Variants in SMAP1 observed in about 807,000 individuals in gnomAD.
SMAP1 encodes stromal membrane-associated protein 1.
Under a neutral mutation model 58.5 loss-of-function variants are expected in SMAP1, and 24 were observed. That is an observed-to-expected ratio of 0.41 (90% CI 0.30 to 0.58). The LOEUF (loss-of-function observed/expected upper bound fraction) is 0.58. Ranked by LOEUF, SMAP1 falls within the 20% of genes least tolerant of loss-of-function variation. The pLI is 0.29. For missense variants in SMAP1, 563 were observed against 566.3 expected, an observed-to-expected ratio of 0.99 and a Z score of 0.06; for synonymous variants, 216 against 196.6, an observed-to-expected ratio of 1.10 and a Z score of -0.82.
chr6:70,802,349 AT>A (rs1768900543), intron 6 of SMAP1, among the ~76,000 whole-genome samples: 3 of 152,206 alleles, frequency 2.0e-5, no homozygotes, highest in Admixed American at 1.3e-4. Context: ...ATTTTTACAC[AT>A]TGATTTTGTA....
chr6:70,821,661 T>G (rs1252485143), intron 6 of SMAP1, among the ~76,000 whole-genome samples: 1 of 152,150 alleles, frequency 6.6e-6, no homozygotes, highest in African/African-American at 2.4e-5. Context: ...AAGAGCGAAT[T>G]GAATACCTAA....
chr6:70,742,843 G>A (rs568169028), intron 2 of SMAP1, among the ~76,000 whole-genome samples: 17 of 152,268 alleles, frequency 1.1e-4, no homozygotes, highest in African/African-American at 3.1e-4. Context: ...CTCACATGGC[G>A]GCAGACAATA....
chr6:70,801,168 C>T (rs1768832801), intron 6 of SMAP1, among the ~76,000 whole-genome samples: 1 of 152,216 alleles, frequency 6.6e-6, no homozygotes, highest in African/African-American at 2.4e-5. Context: ...TCCACATCCT[C>T]TCCAACATCT....
chr6:70,789,216 G>A (rs1339748010), intron 4 of SMAP1, among the ~76,000 whole-genome samples: 1 of 152,066 alleles, frequency 6.6e-6, no homozygotes, highest in Non-Finnish European at 1.5e-5. Context: ...ATAAAAGGTA[G>A]ATATTTTAAG....
chr6:70,836,168 A>G (rs1562194519), intron 6 of SMAP1, among the ~76,000 whole-genome samples: 1 of 152,134 alleles, frequency 6.6e-6, no homozygotes, highest in South Asian at 2.1e-4. Context: ...ATAAAGACAT[A>G]CCCGAGACTG....
chr6:70,791,420 A>G (rs1365743465), intron 4 of SMAP1, among the ~76,000 whole-genome samples: 1 of 152,176 alleles, frequency 6.6e-6, no homozygotes, highest in African/African-American at 2.4e-5. Context: ...TTTTGGTATG[A>G]TCTTATCTGA....
rs550854974 is a variant in SMAP1 at position 70,746,686 on chromosome 6, T to A, written c.253-8294T>A. On this transcript the variant is annotated intron_variant, in intron 2 of 10. Transcript: ENST00000370455. ...TAGTATCAGGATGATGTTGGCCTGG[T>A]AAAATGAGTTAGGGGCGATTCCTTC... 2.6e-5 allele frequency among the ~76,000 whole-genome samples: 4 copies of A among 152,328 alleles called. No homozygotes were observed. The South Asian group carries it at 8.3e-4, about 32-fold the overall frequency.
Position 70,861,875 on chromosome 6 carries a change from TATCTGTTTGAG to T in SMAP1, c.*1543_*1553del. The stretch of plus-strand genomic sequence containing the variant: ...TCGGTTCCAGTTCTTCGACTGTTGT[TATCTGTTTGAG>T]AAAGTCAGATTCTTGCATCCCTGGC... On this transcript the variant is annotated 3_prime_UTR_variant, in exon 11 of 11. Coordinates refer to ENST00000370455, the MANE Select transcript of SMAP1 (RefSeq NM_001044305.3). 1 of 1,614,128 alleles carries T rather than the reference TATCTGTTTGAG, an allele frequency of 6.2e-7. No individual in the cohort carries two copies. The highest frequency in any genetic ancestry group is 1.1e-5 in the South Asian group (1 of 91,082).
intron 1 of SMAP1, among the ~76,000 whole-genome samples, chr6:70,731,374 T>C (rs185899847): frequency 6.6e-6 from 1 of 152,336 alleles, no homozygotes; most frequent in African/African-American, 2.4e-5. Flanking sequence ...TTTGGCAGTG[T>C]TTTTCAGAAC....
intron 6 of SMAP1, among the ~76,000 whole-genome samples, chr6:70,808,638 A>C (rs1769249177): frequency 6.6e-6 from 1 of 152,188 alleles, no homozygotes; most frequent in Non-Finnish European, 1.5e-5. Context: ...GCCAATACAT[A>C]GCTTTAAATT....
intron 1 of SMAP1, among the ~76,000 whole-genome samples, chr6:70,687,711 A>T (rs2128554236): frequency 6.6e-6 from 1 of 152,334 alleles, no homozygotes; most frequent in Non-Finnish European, 1.5e-5. Context: ...TCCTAATGGT[A>T]ACATCTTGTA....
At chr6:70,830,260 A>G (rs1485918466) in intron 6 of SMAP1, among the ~76,000 whole-genome samples, 3 of 152,198 alleles carry the variant, frequency 2.0e-5, no homozygotes, top group Non-Finnish European at 2.9e-5. Flanking sequence ...GTGAGTCTGT[A>G]TCTGTTGCTT....
chr6:70,762,283 C>T lies in SMAP1; in HGVS notation c.338+7218C>T, dbSNP rs1196075955. On this transcript the variant is annotated intron_variant, in intron 3 of 10. Coordinates refer to ENST00000370455, the MANE Select transcript of SMAP1 (RefSeq NM_001044305.3). Reference sequence around the variant, plus strand: ...AAATAAGGTTTTATTAGAACCCAGCCATGTACATTCATTTATGAATGTTCT... The same window carrying T: ...AAATAAGGTTTTATTAGAACCCAGCTATGTACATTCATTTATGAATGTTCT... Among the ~76,000 whole-genome samples the T allele has an allele frequency of 2.6e-5, 4 of 152,188 alleles. No individual in the cohort carries two copies. The East Asian group carries it at 7.7e-4, about 29-fold the overall frequency.
intron 6 of SMAP1, among the ~76,000 whole-genome samples, chr6:70,802,982 C>G (rs999674208): frequency 6.6e-6 from 1 of 152,136 alleles, no homozygotes; most frequent in Non-Finnish European, 1.5e-5. Context: ...TTTGTTGTGT[C>G]TCTGCCAGGC....
chr6:70,708,732 CTGATA>C (rs1767939276), intron 1 of SMAP1, among the ~76,000 whole-genome samples: 1 of 152,050 alleles, frequency 6.6e-6, no homozygotes, highest in Non-Finnish European at 1.5e-5. Flanking sequence ...TGAGTACTTT[CTGATA>C]TATGTATTGG....
intron 1 of SMAP1, among the ~76,000 whole-genome samples, chr6:70,702,967 TAGAAGTC>T (rs1181304476): frequency 6.6e-6 from 1 of 152,180 alleles, no homozygotes; most frequent in African/African-American, 2.4e-5. Context: ...CTTGAACATA[TAGAAGTC>T]AATGATAATG....
chr6:70,716,500 G>A (rs1459479799), intron 1 of SMAP1, among the ~76,000 whole-genome samples: 1 of 152,140 alleles, frequency 6.6e-6, no homozygotes, highest in African/African-American at 2.4e-5. Flanking sequence ...ACCAGTATCT[G>A]TATTGGTCTG....
Position 70,777,757 on chromosome 6 carries a change from G to T in SMAP1, c.414+4332G>T, listed in dbSNP as rs536490984. Among the ~76,000 whole-genome samples, 8 of 144,608 alleles carry T rather than the reference G, an allele frequency of 5.5e-5. No individual in the cohort carries two copies. In the East Asian group the frequency reaches 1.4e-3, roughly 25 times the overall value. 94.9% of individuals were successfully genotyped at this position (144,608 alleles called of 152,430 possible). ...CTCCTATTTAAGTCTTCATTATTAAGTTTTTTTTTTTTTGAGATGGAGTCC... is the reference window on the plus strand; with the variant it reads ...CTCCTATTTAAGTCTTCATTATTAATTTTTTTTTTTTTTGAGATGGAGTCC... On this transcript the variant is annotated intron_variant, in intron 4 of 10. Coordinates refer to ENST00000370455, the MANE Select transcript of SMAP1 (RefSeq NM_001044305.3).
chr6:70,716,806 T>C (rs1768286714), intron 1 of SMAP1, among the ~76,000 whole-genome samples: 1 of 152,174 alleles, frequency 6.6e-6, no homozygotes. Context: ...TTTATGACCA[T>C]TTTTTAAAAT....
Sources: allele counts gnomAD v4.1 joint callset (sites outside exome capture counted in the v4.1 genomes callset), GRCh38; gene constraint gnomAD v4.1.1; transcripts MANE v1.5; gene names NCBI Gene and HGNC (gene_info 2026-07-23, HGNC 2026-07-21).